The following GGT5 variants were observed in gnomAD, a reference collection of about 807,000 sequenced individuals.
GGT5 encodes gamma-glutamyltransferase 5.
A neutral mutation model predicts 58.1 loss-of-function variants in GGT5; 50 were observed. The ratio of observed to expected loss-of-function variants is 0.86; its 90% confidence interval spans 0.69 to 1.09. The LOEUF is 1.09. GGT5 is among the 50% of genes least tolerant of loss of function. The pLI, the probability that GGT5 is intolerant of heterozygous loss-of-function variation, is 0.00. For synonymous variants in GGT5, 370 were observed against 346.1 expected, an observed-to-expected ratio of 1.07 and a Z score of -0.77; for missense variants, 800 against 789.4, an observed-to-expected ratio of 1.01 and a Z score of -0.16.
At chr22:24,236,882 A>C (rs1455418958) in intron 1 of GGT5, among the ~76,000 whole-genome samples, 1 of 152,138 alleles carries the variant, frequency 6.6e-6, no homozygotes, top group Non-Finnish European at 1.5e-5. Context: ...ACATGTGCTT[A>C]AAGGCATAGG....
At chr22:24,232,238 GC>G in intron 4 of GGT5, 30 bp from the exon 5 acceptor site, 2 of 1,332,606 alleles carry the variant, frequency 1.5e-6, no homozygotes, top group East Asian at 2.6e-5. Flanking sequence ...TCAGGGTGGG[GC>G]CAGGTCCCAG....
intron 11 of GGT5, chr22:24,220,653 T>G (rs1026998628): frequency 8.8e-6 from 4 of 454,844 alleles, no homozygotes; most frequent in Non-Finnish European, 1.8e-5. Flanking sequence ...TCTTAGCCAC[T>G]TGGGAGCCAA....
chr22:24,227,419 G>T (rs2047800952), intron 6 of GGT5, among the ~76,000 whole-genome samples: 2 of 151,976 alleles, frequency 1.3e-5, no homozygotes, highest in Admixed American at 1.3e-4. Context: ...GCTAATTTTT[G>T]TATTTTTAGT....
chr22:24,244,072 G>T (rs2048395869), intron 1 of GGT5: 1 of 162,484 alleles, frequency 6.2e-6, no homozygotes, highest in Admixed American at 5.9e-5. Flanking sequence ...GGGTCAGGCG[G>T]GGCCAGACAG....
intron 1 of GGT5, among the ~76,000 whole-genome samples, chr22:24,236,666 G>A (rs2048104821): frequency 6.6e-6 from 1 of 151,938 alleles, no homozygotes; most frequent in Non-Finnish European, 1.5e-5. Context: ...AGGAGGCTGA[G>A]GCAGGAGAAT....
chr22:24,238,004 G>A (rs1233862252), intron 1 of GGT5, among the ~76,000 whole-genome samples: 5 of 151,130 alleles, frequency 3.3e-5, no homozygotes, highest in Non-Finnish European at 5.9e-5. Context: ...AAGGTGGGTA[G>A]GTCACCTGAG....
intron 11 of GGT5, among the ~76,000 whole-genome samples, chr22:24,222,094 G>T (rs148902749): frequency 0.021 from 3,181 of 152,052 alleles, 100 homozygotes; most frequent in African/African-American, 0.073. Flanking sequence ...CATGAGAATT[G>T]CTTGAACCCA....
intron 11 of GGT5, among the ~76,000 whole-genome samples, chr22:24,222,722 C>T (rs1183394298): frequency 6.6e-6 from 1 of 152,188 alleles, no homozygotes; most frequent in African/African-American, 2.4e-5. Context: ...CAGCATTTCA[C>T]GTCCCCAGGG....
chr22:24,235,723 A>G (rs544648146), intron 1 of GGT5, among the ~76,000 whole-genome samples: 1 of 152,014 alleles, frequency 6.6e-6, no homozygotes, highest in East Asian at 1.9e-4. Flanking sequence ...AACACTTTAA[A>G]CTCCCATCCC....
chr22:24,236,728 A>C (rs1036763092), intron 1 of GGT5, among the ~76,000 whole-genome samples: 4 of 148,638 alleles, frequency 2.7e-5, no homozygotes, highest in African/African-American at 1.0e-4. Flanking sequence ...GTACCACTGC[A>C]CTCCAGCCTG....
chr22:24,229,851 A>AAAAAAAAAAAG (rs1012304264), intron 6 of GGT5, among the ~76,000 whole-genome samples: 1 of 146,332 alleles, frequency 6.8e-6, no homozygotes, highest in Non-Finnish European at 1.5e-5. Context: ...ATTCCATCTC[A>AAAAAAAAAAAG]AAAAAAAAAA....
At chr22:24,227,510 GT>G (rs1251482952) in intron 6 of GGT5, among the ~76,000 whole-genome samples, 5 of 152,100 alleles carry the variant, frequency 3.3e-5, no homozygotes, top group African/African-American at 7.2e-5. Context: ...GCCTCCCAAA[GT>G]GCTGGGATTA....
rs372057047 is a variant in GGT5, at chr22:24,225,884, G to A, written c.1229+192C>T. ...CCCATTCCCAGGTAAATCTTGGGTC[G>A]GGGCCACCCCAGCAGCAGCCTTTCC... is the stretch of plus-strand genomic sequence containing the variant. On this transcript the variant is annotated intron_variant, in intron 8 of 11. Coordinates refer to ENST00000327365, the MANE Select transcript of GGT5 (RefSeq NM_004121.5). Among the ~76,000 whole-genome samples the A allele has an allele frequency of 8.5e-5, 13 of 152,144 alleles. 1 individual carries two copies. Among genetic ancestry groups the A allele is most frequent in the Admixed American group, 3.9e-4 (6 of 15,276 alleles).
At chr22:24,223,684 A>T (rs1424224400) in intron 11 of GGT5, among the ~76,000 whole-genome samples, 2 of 150,780 alleles carry the variant, frequency 1.3e-5, no homozygotes, top group Non-Finnish European at 2.9e-5. Flanking sequence ...TGGAAGGTGG[A>T]CTTGAGACCG....
chr22:24,240,380 T>C (rs1268428252), intron 1 of GGT5, among the ~76,000 whole-genome samples: 1 of 152,072 alleles, frequency 6.6e-6, no homozygotes, highest in African/African-American at 2.4e-5. Flanking sequence ...TCAATAAAAA[T>C]TAAAGTAATT....
intron 3 of GGT5, 103 bp downstream of exon 3, chr22:24,233,395 G>T: frequency 1.5e-6 from 1 of 667,200 alleles, no homozygotes; most frequent in East Asian, 2.7e-5. Context: ...CCCCGTGCCA[G>T]GGAGTCACAG....
Position 24,226,747 on chromosome 22 carries a change from A to T in GGT5, c.922T>A (p.Ser308Thr). Reference sequence around the variant, plus strand: ...ACCCTCCCTTCAGGCCTGGCCATAGACTCTGTTGAGAAGTTGAACCCTGGA... The same window carrying T: ...ACCCTCCCTTCAGGCCTGGCCATAGTCTCTGTTGAGAAGTTGAACCCTGGA... ...VLRGFNFSTE[S>T]MARPEGRVNV... The change falls in exon 7 of 12, where the codon TCT becomes ACT. Residue 308 changes from serine to threonine, a missense_variant. Coordinates refer to ENST00000327365, the MANE Select transcript of GGT5 (RefSeq NM_004121.5). The T allele has an allele frequency of 6.2e-7, 1 of 1,613,774 alleles. No individual in the cohort carries two copies. Among genetic ancestry groups the T allele is most frequent in the Admixed American group, 1.7e-5 (1 of 59,976 alleles).
At position 24,219,989 on chromosome 22, in the gene GGT5, C is replaced by T; in HGVS notation, c.1742G>A (p.Gly581Glu). 6.2e-7 allele frequency: 1 copy of T among 1,614,114 alleles called. No individual in the cohort carries two copies. Among genetic ancestry groups the T allele is most frequent in the Non-Finnish European group, 8.5e-7 (1 of 1,179,974 alleles). Residue 581 changes from glycine to glutamate, a missense_variant, in exon 12 of 12, where the codon GGG (glycine) becomes GAG (glutamate). Coordinates refer to ENST00000327365, the MANE Select transcript of GGT5 (RefSeq NM_004121.5). ...VYAVSDLRKS[G>E]EAAGY ...AGTGTCTTAGTAGCCTGCGGCCTCC[C>T]CACTCTTCCTCAGGTCCGAGACGGC... is the stretch of plus-strand genomic sequence containing the variant.
intron 1 of GGT5, among the ~76,000 whole-genome samples, chr22:24,235,080 A>G (rs1293173655): frequency 8.9e-6 from 1 of 111,948 alleles, no homozygotes; most frequent in Non-Finnish European, 1.7e-5. Context: ...TTTTTTTGAG[A>G]CAGAGTTTCA....
Sources: gnomAD v4.1 joint callset for allele counts (sites outside exome capture counted in the v4.1 genomes callset) on GRCh38, gnomAD v4.1.1 for gene constraint, MANE v1.5 for transcripts, NCBI Gene and HGNC (gene_info 2026-07-23, HGNC 2026-07-21) for gene names.